Variants in ZNF354A observed in about 807,000 individuals in gnomAD.
ZNF354A encodes zinc finger protein 354A.
ZNF354A carries 25 observed loss-of-function variants against 53.3 expected under a neutral mutation model. The ratio of observed to expected loss-of-function variants is 0.47; its 90% confidence interval spans 0.34 to 0.66. ZNF354A has a LOEUF of 0.66. Among genes scored for constraint, ZNF354A ranks in the 30% least tolerant of loss-of-function variants. ZNF354A has a pLI of 0.01. For missense variants in ZNF354A, 586 were observed against 716.8 expected, an observed-to-expected ratio of 0.82 and a Z score of 2.08; for synonymous variants, 228 against 249.0, an observed-to-expected ratio of 0.92 and a Z score of 0.79.
At chr5:178,714,454 A>G (rs1765680307) in intron 4 of ZNF354A, among the ~76,000 whole-genome samples, 2 of 152,202 alleles carry the variant, frequency 1.3e-5, no homozygotes, top group African/African-American at 2.4e-5. Context: ...TTACCAGAGT[A>G]TTAAACATAT....
intron 4 of ZNF354A, among the ~76,000 whole-genome samples, chr5:178,721,168 T>TA (rs923600685): frequency 1.3e-5 from 2 of 151,938 alleles, no homozygotes; most frequent in Admixed American, 1.3e-4. Flanking sequence ...TTTATCTTTC[T>TA]AAAAAAAATA....
chr5:178,713,898 G>T (rs1436006145), intron 4 of ZNF354A, among the ~76,000 whole-genome samples: 2 of 151,480 alleles, frequency 1.3e-5, no homozygotes, highest in Non-Finnish European at 2.9e-5. Flanking sequence ...GAAGAACAGA[G>T]AAAAGGGTTA....
chr5:178,730,117 G>A (rs1766003930), intron 1 of ZNF354A, among the ~76,000 whole-genome samples: 1 of 152,004 alleles, frequency 6.6e-6, no homozygotes, highest in Non-Finnish European at 1.5e-5. Flanking sequence ...CACCCGCTTC[G>A]GCCTCCCAAA....
At chr5:178,729,159 A>AAG (rs1765975656) in intron 1 of ZNF354A, 86 bp from the exon 2 acceptor site, 1 of 575,920 alleles carries the variant, frequency 1.7e-6, no homozygotes, top group Non-Finnish European at 3.1e-6. Context: ...TCCCGCTGAG[A>AAG]AGGACCCCGC....
rs1407423096 is a variant in ZNF354A at position 178,711,925 on chromosome 5, C to T, written c.*135G>A. ...TATCTATTATATAGCTGAGGTTTAT[C>T]CATGGAATTAAATACCTAATGAGGG... On this transcript the variant is annotated 3_prime_UTR_variant, in exon 5 of 5. Coordinates refer to ENST00000335815, the MANE Select transcript of ZNF354A (RefSeq NM_005649.3). 2 of 1,067,984 alleles carry T rather than the reference C, an allele frequency of 1.9e-6. No individual in the cohort carries two copies. The highest frequency in any genetic ancestry group is 1.3e-6 in the Non-Finnish European group (1 of 766,262). 66.2% of individuals were successfully genotyped at this position (1,067,984 alleles called of 1,614,324 possible). A position where few individuals can be genotyped will look rare whatever the true frequency, so the allele number is the denominator to read the frequency against.
At chr5:178,718,993 C>T (rs1453944995) in intron 4 of ZNF354A, among the ~76,000 whole-genome samples, 2 of 152,178 alleles carry the variant, frequency 1.3e-5, no homozygotes, top group Non-Finnish European at 2.9e-5. Flanking sequence ...AATAAGCCAT[C>T]GTGAATATGT....
At chr5:178,727,255 C>T (rs968790012) in intron 2 of ZNF354A, 130 bp from the exon 3 acceptor site, 4 of 1,099,428 alleles carry the variant, frequency 3.6e-6, no homozygotes, top group Non-Finnish European at 4.9e-6. Context: ...CCAGATCATT[C>T]GTTTAATGAA....
chr5:178,712,531 G>A lies in ZNF354A; in HGVS notation c.1347C>T (p.Ser449=). Residue 449 remains serine (S), a synonymous_variant, in exon 5 of 5, where the codon TCC becomes TCT. Transcript: ENST00000335815. ...GCTCGTGAATAATAAGTGTTGAGTGGGAGCTTAAGGCTTTACCACATTCAT... is the reference window on the plus strand; with the variant it reads ...GCTCGTGAATAATAAGTGTTGAGTGAGAGCTTAAGGCTTTACCACATTCAT... ...NCNECGKALS[S]HSTLIIHERI... is the part of the protein sequence containing the mutation. 1 of 1,613,990 alleles carries A rather than the reference G, an allele frequency of 6.2e-7. No individual in the cohort carries two copies. Among genetic ancestry groups the A allele is most frequent in the South Asian group, 1.1e-5 (1 of 91,070 alleles).
intron 4 of ZNF354A, among the ~76,000 whole-genome samples, chr5:178,721,918 T>A (rs533656412): frequency 6.6e-6 from 1 of 152,070 alleles, no homozygotes; most frequent in Admixed American, 6.6e-5. Flanking sequence ...ACCTTAAGAG[T>A]TATCCTTAAT....
chr5:178,725,119 A>G (rs967120408), intron 4 of ZNF354A, among the ~76,000 whole-genome samples: 30 of 152,170 alleles, frequency 2.0e-4, no homozygotes, highest in African/African-American at 6.3e-4. Context: ...ATTATTTGAA[A>G]TTCCTTAAAT....
intron 2 of ZNF354A, among the ~76,000 whole-genome samples, chr5:178,727,548 A>G (rs965255538): frequency 5.3e-5 from 8 of 152,240 alleles, no homozygotes; most frequent in African/African-American, 1.9e-4. Context: ...TAAATACTTA[A>G]TGATGGAGGT....
chr5:178,713,249 G>A lies in ZNF354A; in HGVS notation c.629C>T (p.Ala210Val), dbSNP rs749583172. The stretch of plus-strand genomic sequence containing the variant: ...CAGACTACATTTATAGCGTTTATCT[G>A]CTGTAATTTTTGGTTGATTAAGTAA... Reference protein sequence around the residue: ...SQLLNQPKITADKRYKCSLCE... With the variant: ...SQLLNQPKITVDKRYKCSLCE... The change falls in exon 5 of 5, where the codon GCA becomes GTA. Residue 210 changes from alanine to valine, a missense_variant. By Grantham distance (64) the Ala-to-Val change is moderately conservative. Coordinates refer to ENST00000335815, the MANE Select transcript of ZNF354A (RefSeq NM_005649.3). The A allele has an allele frequency of 1.7e-5, 27 of 1,614,020 alleles. No individual in the cohort carries two copies. Among genetic ancestry groups the A allele is most frequent in the Non-Finnish European group, 2.3e-5 (27 of 1,180,016 alleles).
At chr5:178,727,729 C>T (rs1765938871) in intron 2 of ZNF354A, among the ~76,000 whole-genome samples, 1 of 152,336 alleles carries the variant, frequency 6.6e-6, no homozygotes, top group South Asian at 2.1e-4. Context: ...TCACAACAAT[C>T]CTATCAAGAC....
rs116765411 is a variant in ZNF354A at position 178,716,800 on chromosome 5, C to A, written c.257-3179G>T. Among the ~76,000 whole-genome samples, 4 of 152,008 alleles carry A rather than the reference C, an allele frequency of 2.6e-5. No individual in the cohort carries two copies. The East Asian group carries it at 7.7e-4, about 29-fold the overall frequency. On this transcript the variant is annotated intron_variant, in intron 4 of 4. Coordinates refer to ENST00000335815, the MANE Select transcript of ZNF354A (RefSeq NM_005649.3). ...TGATAAAATAAGCCTGGAACGGGGCCGGGCGTGGTGGCTCACAGCTGCAAT... is the reference window on the plus strand; with the variant it reads ...TGATAAAATAAGCCTGGAACGGGGCAGGGCGTGGTGGCTCACAGCTGCAAT...
intron 4 of ZNF354A, among the ~76,000 whole-genome samples, chr5:178,719,277 C>T: frequency 6.6e-6 from 1 of 152,208 alleles, no homozygotes; most frequent in Admixed American, 6.5e-5. Flanking sequence ...CAGTTGATTT[C>T]TTCAGAGAGT....
rs1765923813 is a variant in ZNF354A at position 178,727,077 on chromosome 5, A to C, written c.82T>G (p.Trp28Gly). ...CTCTGAGAAGGGGCCAGCTTTCTCC[A>C]CTCATCTCGGGTAAACAGCACAGCC... ...DVAVLFTRDE[W>G]RKLAPSQRNL... Residue 28 changes from tryptophan to glycine, a missense_variant, in exon 3 of 5, where the codon TGG becomes GGG. Transcript: ENST00000335815. 1.2e-6 allele frequency: 2 copies of C among 1,614,024 alleles called. No individual in the cohort carries two copies. The highest frequency in any genetic ancestry group is 4.5e-5 in the East Asian group (2 of 44,870).
Position 178,713,355 on chromosome 5 carries a change from T to C in ZNF354A, c.523A>G (p.Ile175Val). Residue 175 changes from isoleucine (I) to valine (V), a missense_variant, in exon 5 of 5, where the codon ATT (isoleucine) becomes GTT (valine). Ile to Val is a conservative substitution (Grantham distance 29). Around this residue, in one of 2 missense-constraint regions of ZNF354A, gnomAD observed 573 missense variants for 680.1 expected, o/e 0.84. Coordinates refer to ENST00000335815, the MANE Select transcript of ZNF354A (RefSeq NM_005649.3). ...SQNFSPKSVLIRQQILPREKT... is the reference protein window; with the variant it reads ...SQNFSPKSVLVRQQILPREKT... ...TCTCTGGGAAGTATCTGTTGCCTAA[T>C]AAGCACTGACTTTGGGCTGAAGTTT... 1.2e-6 allele frequency: 2 copies of C among 1,614,224 alleles called. No individual in the cohort carries two copies. Among genetic ancestry groups the C allele is most frequent in the Non-Finnish European group, 1.7e-6 (2 of 1,180,038 alleles).
intron 1 of ZNF354A, among the ~76,000 whole-genome samples, chr5:178,730,207 G>C (rs990372976): frequency 5.9e-5 from 9 of 152,160 alleles, no homozygotes; most frequent in Admixed American, 5.9e-4. Flanking sequence ...GTCCCGAGGC[G>C]GGAGGGGTGG....
intron 4 of ZNF354A, among the ~76,000 whole-genome samples, chr5:178,714,031 C>T (rs1765672815): frequency 6.7e-6 from 1 of 149,230 alleles, no homozygotes; most frequent in Admixed American, 6.7e-5. Flanking sequence ...TTTTTTGAGA[C>T]AGTCTCACTC....
Sources: allele counts gnomAD v4.1 joint callset (sites outside exome capture counted in the v4.1 genomes callset), GRCh38; gene constraint gnomAD v4.1.1; regional missense constraint gnomAD v4.1.1; transcripts MANE v1.5; gene names NCBI Gene and HGNC (gene_info 2026-07-23, HGNC 2026-07-21).